PSMB3: variants seen among roughly 807,000 people sequenced by gnomAD.
The protein encoded by PSMB3 is proteasome subunit beta type-3.
In PSMB3, 5 loss-of-function variants were observed where a neutral mutation model predicts 23.3. That is an observed-to-expected ratio of 0.21 (90% confidence interval 0.11 to 0.45). The LOEUF (loss-of-function observed/expected upper bound fraction) is 0.45. Among genes scored for constraint, PSMB3 ranks in the 20% least tolerant of loss-of-function variants. PSMB3 has a pLI of 0.99. For missense variants in PSMB3, 192 were observed against 277.9 expected (o/e 0.69, Z 2.20); for synonymous variants, 85 against 99.8 (o/e 0.85, Z 0.88).
chr17:38,756,129 T>C, intron 3 of PSMB3, 139 bp downstream of exon 3: 1 of 720,698 alleles, frequency 1.4e-6, no homozygotes. Flanking sequence ...GGGTGTGTTT[T>C]CTTTGGGCCT....
intron 3 of PSMB3, 171 bp from the exon 4 acceptor site, chr17:38,760,260 C>G (rs1311883213): frequency 1.6e-6 from 1 of 614,346 alleles, no homozygotes; most frequent in African/African-American, 1.9e-5. Flanking sequence ...ATATTTCTAG[C>G]TGGCAGGAGA....
chr17:38,755,917 G>A lies in PSMB3; in HGVS notation c.223G>A (p.Glu75Lys). 1.2e-6 allele frequency: 2 copies of A among 1,614,114 alleles called. No individual in the cohort carries two copies. Among genetic ancestry groups the A allele is most frequent in the Non-Finnish European group, 1.7e-6 (2 of 1,180,026 alleles). ...QRLKFRLNLY[E>K]LKEGRQIKPY... ...CCTCAAGTTCCGGCTGAACCTGTAT[G>A]AGTTGAAGGAAGGTCGGCAGATCAA... Residue 75 changes from glutamate (E) to lysine (K), a missense_variant, in exon 3 of 6, where the codon GAG becomes AAG. By Grantham distance (56) the Glu-to-Lys change is moderately conservative. Transcript: ENST00000619426.
chr17:38,758,441 G>A (rs1311121107), intron 3 of PSMB3, among the ~76,000 whole-genome samples: 1 of 152,078 alleles, frequency 6.6e-6, no homozygotes, highest in Non-Finnish European at 1.5e-5. Context: ...CTGGGTGCAA[G>A]CAATCCTCCT....
intron 2 of PSMB3, among the ~76,000 whole-genome samples, chr17:38,754,344 C>T (rs1040172929): frequency 5.3e-5 from 8 of 152,088 alleles, no homozygotes; most frequent in African/African-American, 1.9e-4. Context: ...GTGGTGGGCA[C>T]CTGTAATCCC....
At chr17:38,762,621 T>G in intron 5 of PSMB3, 116 bp downstream of exon 5, 1 of 972,204 alleles carries the variant, frequency 1.0e-6, no homozygotes, top group South Asian at 1.6e-5. Flanking sequence ...ATAAGAAAGG[T>G]GCTTTTGGCA....
chr17:38,755,579 A>G (rs1292420114), intron 2 of PSMB3, among the ~76,000 whole-genome samples: 2 of 149,334 alleles, frequency 1.3e-5, no homozygotes, highest in Non-Finnish European at 3.0e-5. Flanking sequence ...CGGGTGGCGG[A>G]GCTTGCAGTG....
In PSMB3 at chr17:38,753,337, A is replaced by G. The variant is rs766792567; in HGVS notation, c.188+3A>G. 8.1e-6 allele frequency: 13 copies of G among 1,613,110 alleles called. No homozygotes were observed. The highest frequency in any genetic ancestry group is 1.1e-5 in the Non-Finnish European group (13 of 1,179,512). On this transcript the variant is annotated splice_donor_region_variant and intron_variant, in intron 2 of 5. Coordinates refer to ENST00000619426, the MANE Select transcript of PSMB3 (RefSeq NM_002795.4). ...CTCGCCACTGACGTCCAGACAGTGT[A>G]AGTTTCAAGGGTCCCCGCCCACACC... is the stretch of plus-strand genomic sequence containing the variant.
intron 5 of PSMB3, among the ~76,000 whole-genome samples, chr17:38,763,755 G>C (rs1035651572): frequency 6.6e-6 from 1 of 152,026 alleles, no homozygotes; most frequent in African/African-American, 2.4e-5. Flanking sequence ...CCTGCCTCAG[G>C]CCTCCCAAAG....
At chr17:38,754,094 C>G (rs1908056748) in intron 2 of PSMB3, among the ~76,000 whole-genome samples, 1 of 152,268 alleles carries the variant, frequency 6.6e-6, no homozygotes, top group Non-Finnish European at 1.5e-5. Flanking sequence ...GTACTGGTGC[C>G]TGAGGAGCAG....
At chr17:38,755,657 AAAAT>A (rs1178408114) in intron 2 of PSMB3, among the ~76,000 whole-genome samples, 9 of 74,756 alleles carry the variant, frequency 1.2e-4, no homozygotes, top group East Asian at 9.8e-4. Flanking sequence ...AAAAAAAAAA[AAAAT>A]ATATATATAT....
At position 38,752,976 on chromosome 17, in the gene PSMB3, G is replaced by A. The variant is rs969465514; in HGVS notation, c.3+147G>A. The stretch of plus-strand genomic sequence containing the variant: ...GAGCGGGCCCCGGTGAGGACCAAGA[G>A]GGTGAGTGCGGCTCATTGCCGCCAC... On this transcript the variant is annotated intron_variant, in intron 1 of 5. Coordinates refer to ENST00000619426, the MANE Select transcript of PSMB3 (RefSeq NM_002795.4). This position sits in a 1 kb window ranked among gnomAD's most constrained non-coding sequence, Gnocchi z 5.5. The A allele has an allele frequency of 1.5e-6, 2 of 1,335,268 alleles. No individual in the cohort carries two copies. Among genetic ancestry groups the A allele is most frequent in the East Asian group, 2.3e-5 (1 of 42,582 alleles). The allele number at this position is 1,335,268 out of a possible 1,614,324, so 82.7% of individuals were successfully genotyped here.
chr17:38,754,296 G>A (rs1410487701), intron 2 of PSMB3, among the ~76,000 whole-genome samples: 1 of 151,916 alleles, frequency 6.6e-6, no homozygotes, highest in Non-Finnish European at 1.5e-5. Context: ...ATGGTGAAAC[G>A]CTGTCTCTAC....
intron 3 of PSMB3, among the ~76,000 whole-genome samples, chr17:38,758,570 AG>A (rs1381442051): frequency 2.0e-5 from 3 of 152,122 alleles, no homozygotes; most frequent in Non-Finnish European, 4.4e-5. Flanking sequence ...TTGAATGCCT[AG>A]GCTCAAGCAG....
At chr17:38,761,181 C>T (rs1181651013) in intron 4 of PSMB3, among the ~76,000 whole-genome samples, 1 of 151,796 alleles carries the variant, frequency 6.6e-6, no homozygotes, top group Non-Finnish European at 1.5e-5. Flanking sequence ...GAAACCCCGT[C>T]TCTACTAAAA....
At chr17:38,762,287 C>T in intron 4 of PSMB3, 124 bp from the exon 5 acceptor site, 1 of 762,808 alleles carries the variant, frequency 1.3e-6, no homozygotes, top group Admixed American at 2.2e-5. Flanking sequence ...GGGAATCATC[C>T]CTTACTTCAG....
chr17:38,763,767 G>C (rs1567646950), intron 5 of PSMB3, among the ~76,000 whole-genome samples: 1 of 152,104 alleles, frequency 6.6e-6, no homozygotes, highest in Non-Finnish European at 1.5e-5. Flanking sequence ...CTCCCAAAGT[G>C]CTGGGATTGC....
chr17:38,764,101 G>C lies in PSMB3; in HGVS notation c.570-18G>C, dbSNP rs781263200. 1 of 1,614,058 alleles carries C rather than the reference G, an allele frequency of 6.2e-7. No homozygotes were observed. The highest frequency in any genetic ancestry group is 1.1e-5 in the South Asian group (1 of 91,058). ...CAGATGGGTAGAGATGTTTTCTTGT[G>C]ATTTTCTCCCTCTGCAGCGAGAAGG... On this transcript the variant is annotated intron_variant, in intron 5 of 5. Transcript: ENST00000619426.
chr17:38,753,871 G>A (rs996110149), intron 2 of PSMB3, among the ~76,000 whole-genome samples: 2 of 152,212 alleles, frequency 1.3e-5, no homozygotes, highest in African/African-American at 2.4e-5. Flanking sequence ...ACATCTCAGG[G>A]TTGGGGAAGC....
chr17:38,761,968 G>A (rs755281499), intron 4 of PSMB3: 41 of 158,124 alleles, frequency 2.6e-4, no homozygotes, highest in Non-Finnish European at 4.4e-4. Flanking sequence ...GGCTAGCCAA[G>A]ACAGAATGTA....
Sources: allele counts gnomAD v4.1 joint callset (sites outside exome capture counted in the v4.1 genomes callset), GRCh38; gene constraint gnomAD v4.1.1; non-coding constraint Gnocchi (gnomAD v3.1); transcripts MANE v1.5; gene names NCBI Gene and HGNC (gene_info 2026-07-23, HGNC 2026-07-21).